The following PALM2AKAP2 variants were observed in gnomAD, a reference collection of about 807,000 sequenced individuals.
PALM2AKAP2 encodes PALM2-AKAP2 fusion protein.
PALM2AKAP2 carries 37 observed loss-of-function variants against 71.5 expected under a neutral mutation model. That is an observed-to-expected ratio of 0.52 (90% CI 0.40 to 0.68). The LOEUF is 0.68. Ranked by LOEUF, PALM2AKAP2 falls within the 30% of genes least tolerant of loss-of-function variation. PALM2AKAP2 has a pLI of 0.00. For synonymous variants in PALM2AKAP2, 468 were observed against 478.8 expected, an observed-to-expected ratio of 0.98 and a Z score of 0.29; for missense variants, 1,224 against 1,191.8, an observed-to-expected ratio of 1.03 and a Z score of -0.40.
intron 1 of PALM2AKAP2, 78 bp downstream of exon 1, chr9:109,780,611 G>A: frequency 6.3e-7 from 1 of 1,583,720 alleles, no homozygotes. Flanking sequence ...GGGGCAAGCG[G>A]CATGCCAGCA....
chr9:109,850,497 T>C (rs1358118444), intron 1 of PALM2AKAP2, among the ~76,000 whole-genome samples: 2 of 152,126 alleles, frequency 1.3e-5, no homozygotes, highest in Non-Finnish European at 2.9e-5. Context: ...AATAGTAGTG[T>C]AATCCTAAGA....
At chr9:109,983,514 A>T (rs541973306) in intron 6 of PALM2AKAP2, among the ~76,000 whole-genome samples, 1 of 151,924 alleles carries the variant, frequency 6.6e-6, no homozygotes, top group East Asian at 1.9e-4. Flanking sequence ...CCCATATTCT[A>T]CAAAGCATTT....
In PALM2AKAP2 at chr9:109,919,516, G is replaced by A. The variant is rs77566950; in HGVS notation, c.258-4219G>A. ...TCAGTCTTAATTCTCATGAAGGTGT[G>A]CCCTGTTTCCCTCCAGATTTCTCAG... On this transcript the variant is annotated intron_variant, in intron 3 of 9. Coordinates refer to the PALM2AKAP2 transcript ENST00000302798. 9.7e-3 allele frequency among the ~76,000 whole-genome samples: 1,474 copies of A among 152,184 alleles called. 24 individuals carry two copies. The highest frequency in any genetic ancestry group is 0.034 in the African/African-American group (1,414 of 41,506).
intron 1 of PALM2AKAP2, among the ~76,000 whole-genome samples, chr9:110,101,643 G>A (rs1188610491): frequency 6.6e-6 from 1 of 152,114 alleles, no homozygotes; most frequent in East Asian, 1.9e-4. Flanking sequence ...TTTTTCACTG[G>A]ACATCATTGG....
chr9:109,977,767 C>A (rs985367398), intron 6 of PALM2AKAP2, among the ~76,000 whole-genome samples: 1 of 151,666 alleles, frequency 6.6e-6, no homozygotes, highest in Non-Finnish European at 1.5e-5. Context: ...CCCTTCACCC[C>A]CTGCCTCTCT....
chr9:110,114,442 G>A (rs143165995), intron 1 of PALM2AKAP2, among the ~76,000 whole-genome samples: 216 of 152,226 alleles, frequency 1.4e-3, no homozygotes, highest in African/African-American at 5.0e-3. Context: ...CTGAGGTTCC[G>A]GGTGGACATG....
intron 3 of PALM2AKAP2, among the ~76,000 whole-genome samples, chr9:110,159,322 G>A (rs1434616857): frequency 1.3e-5 from 2 of 152,070 alleles, no homozygotes; most frequent in Non-Finnish European, 2.9e-5. Context: ...TACACACCCA[G>A]CATCTCCCCA....
chr9:109,649,236 C>T (rs1827193038), intron 1 of PALM2AKAP2, among the ~76,000 whole-genome samples: 1 of 151,808 alleles, frequency 6.6e-6, no homozygotes, highest in South Asian at 2.1e-4. Context: ...GATATTTTCC[C>T]TGTGGCTTTC....
intron 7 of PALM2AKAP2, among the ~76,000 whole-genome samples, chr9:110,030,354 T>G (rs1367232033): frequency 1.3e-5 from 2 of 152,248 alleles, no homozygotes; most frequent in Admixed American, 6.5e-5. Context: ...TCCTGCTATA[T>G]GAGTTGCTAA....
At chr9:110,013,857 T>C (rs1172749701) in intron 6 of PALM2AKAP2, among the ~76,000 whole-genome samples, 1 of 152,238 alleles carries the variant, frequency 6.6e-6, no homozygotes, top group South Asian at 2.1e-4. Context: ...TTCAGTTGAT[T>C]CTTACTAGAA....
At chr9:109,912,594 G>T (rs565132783) in intron 3 of PALM2AKAP2, among the ~76,000 whole-genome samples, 17 of 152,270 alleles carry the variant, frequency 1.1e-4, no homozygotes, top group Non-Finnish European at 2.1e-4. Flanking sequence ...GAATTTTGTA[G>T]CATTGATTTG....
rs189324717 is a variant in PALM2AKAP2, at chr9:109,900,674, A to G, written c.257+19993A>G. Among the ~76,000 whole-genome samples, 7 of 152,330 alleles carry G rather than the reference A, an allele frequency of 4.6e-5. No individual in the cohort carries two copies. In the East Asian group the frequency reaches 1.3e-3, roughly 29 times the overall value. ...AGTCATTACCCTCACAAGACCTATA[A>G]TCTACCCAATAATAATGGGAGGCAA... On this transcript the variant is annotated intron_variant, in intron 3 of 9. Transcript: ENST00000302798.
chr9:109,942,831 G>A (rs1047986162), intron 6 of PALM2AKAP2: 1 of 1,614,162 alleles, frequency 6.2e-7, no homozygotes, highest in Non-Finnish European at 8.5e-7. Context: ...TGTATGAGGT[G>A]CGCTCAGGAG....
chr9:110,028,373 T>A (rs148261674), intron 7 of PALM2AKAP2, among the ~76,000 whole-genome samples: 297 of 152,360 alleles, frequency 1.9e-3, no homozygotes, highest in African/African-American at 6.4e-3. Flanking sequence ...TGCCGTTTTA[T>A]TTCTTCGCTG....
intron 1 of PALM2AKAP2, among the ~76,000 whole-genome samples, chr9:110,110,640 G>A (rs558890836): frequency 4.4e-4 from 63 of 144,474 alleles, no homozygotes; most frequent in African/African-American, 1.6e-3. Context: ...TCTGCCTCCC[G>A]GGTTCAAGCG....
intron 2 of PALM2AKAP2, among the ~76,000 whole-genome samples, chr9:109,878,254 C>T (rs773972212): frequency 3.9e-5 from 6 of 152,154 alleles, no homozygotes; most frequent in East Asian, 1.9e-4. Flanking sequence ...TTAATACCTA[C>T]CCTGGTGGTA....
Position 109,968,674 on chromosome 9 carries a change from G to T in PALM2AKAP2, c.496+36646G>T, listed in dbSNP as rs78879037. ...CCAGCTCCCAGTCCCCCAAATTTCT[G>T]GGGACTCCATGTGAAATCAATGCAC... On this transcript the variant is annotated intron_variant, in intron 6 of 9. Coordinates refer to the PALM2AKAP2 transcript ENST00000302798. 4.6e-3 allele frequency among the ~76,000 whole-genome samples: 702 copies of T among 152,224 alleles called. 9 individuals are homozygous for T. Among genetic ancestry groups the T allele is most frequent in the Non-Finnish European group, 7.6e-3 (514 of 67,996 alleles).
intron 7 of PALM2AKAP2, among the ~76,000 whole-genome samples, chr9:110,035,323 TTATATG>T (rs1833367392): frequency 6.9e-6 from 1 of 143,986 alleles, no homozygotes; most frequent in South Asian, 2.1e-4. Context: ...TACATATGTA[TTATATG>T]TATAATACAT....
In PALM2AKAP2 at chr9:109,655,744, C is replaced by A. The variant is rs139105137; in HGVS notation, c.5+14878C>A. Reference sequence around the variant, plus strand: ...TGTGTAATGCTTTGAAGGTTTATCCCTGTTGTAGCCTGTGTCAAAATTTTA... The same window carrying A: ...TGTGTAATGCTTTGAAGGTTTATCCATGTTGTAGCCTGTGTCAAAATTTTA... On this transcript the variant is annotated intron_variant, in intron 1 of 6. Coordinates refer to the PALM2AKAP2 transcript ENST00000374531. Among the ~76,000 whole-genome samples, 895 of 152,268 alleles carry A rather than the reference C, an allele frequency of 5.9e-3. 11 individuals are homozygous for A. The highest frequency in any genetic ancestry group is 0.02 in the African/African-American group (851 of 41,558).
Sources: gnomAD v4.1 joint callset for allele counts (sites outside exome capture counted in the v4.1 genomes callset) on GRCh38, gnomAD v4.1.1 for gene constraint, MANE v1.5 for transcripts, NCBI Gene and HGNC (gene_info 2026-07-23, HGNC 2026-07-21) for gene names.